Variants in SNTG1 observed in about 807,000 individuals in gnomAD.
The protein encoded by SNTG1 is syntrophin gamma 1, also known as gamma-1-syntrophin.
In SNTG1, 39 loss-of-function variants were observed where a neutral mutation model predicts 74.7. The ratio of observed to expected loss-of-function variants is 0.52; its 90% confidence interval spans 0.40 to 0.68. SNTG1 has a LOEUF of 0.68. Ranked by LOEUF, SNTG1 falls within the 30% of genes least tolerant of loss-of-function variation. The pLI, the probability that SNTG1 is intolerant of heterozygous loss-of-function variation, is 0.00. For missense variants in SNTG1, 685 were observed against 609.5 expected (o/e 1.12, Z -1.30); for synonymous variants, 254 against 217.1 (o/e 1.17, Z -1.49).
chr8:50,610,699 T>G (rs183372529), intron 13 of SNTG1, among the ~76,000 whole-genome samples: 2 of 152,190 alleles, frequency 1.3e-5, no homozygotes, highest in Non-Finnish European at 2.9e-5. Context: ...GTCATGTTCA[T>G]GTGAACAAAG....
intron 2 of SNTG1, among the ~76,000 whole-genome samples, chr8:50,375,155 A>G (rs965239367): frequency 6.6e-6 from 1 of 152,206 alleles, no homozygotes; most frequent in Non-Finnish European, 1.5e-5. Context: ...TTTAAACAAC[A>G]TCATTTCTGA....
At chr8:50,161,945 C>A (rs534127566) in intron 1 of SNTG1, among the ~76,000 whole-genome samples, 1 of 152,112 alleles carries the variant, frequency 6.6e-6, no homozygotes, top group Admixed American at 6.5e-5. Flanking sequence ...TCCTTCACAA[C>A]CTGGCCGAAA....
At position 50,663,215 on chromosome 8, in the gene SNTG1, G is replaced by C. The variant is rs564963812; in HGVS notation, c.1038+4552G>C. 4.6e-5 allele frequency among the ~76,000 whole-genome samples: 7 copies of C among 152,260 alleles called. No individual in the cohort carries two copies. In the South Asian group the frequency reaches 1.5e-3, roughly 32 times the overall value. Reference sequence around the variant, plus strand: ...CAAGGCAAACAAGTTTGTTACAGCTGTAGTCATCTTGGGTATGAGGTTGGT... The same window carrying C: ...CAAGGCAAACAAGTTTGTTACAGCTCTAGTCATCTTGGGTATGAGGTTGGT... On this transcript the variant is annotated intron_variant, in intron 15 of 18. Transcript: ENST00000642720.
In SNTG1 at chr8:50,638,467, G is replaced by C. The variant is rs565191667; in HGVS notation, c.850-18442G>C. ...AATTGATTTTCCTGGATTGCTTTCT[G>C]CTATGGTTGAGTGAAAAATCAAGAA... On this transcript the variant is annotated intron_variant, in intron 13 of 18. Transcript: ENST00000642720. Among the ~76,000 whole-genome samples the C allele has an allele frequency of 1.7e-4, 26 of 152,162 alleles. No homozygotes were observed. The South Asian group carries it at 5.0e-3, about 29-fold the overall frequency.
intron 2 of SNTG1, among the ~76,000 whole-genome samples, chr8:50,298,006 CATT>C (rs2089469679): frequency 7.2e-6 from 1 of 139,692 alleles, no homozygotes; most frequent in Non-Finnish European, 1.5e-5. Context: ...GACAGAAACA[CATT>C]ATGTCACAAT....
chr8:50,633,683 C>T (rs1009971716), intron 13 of SNTG1, among the ~76,000 whole-genome samples: 1 of 152,176 alleles, frequency 6.6e-6, no homozygotes, highest in South Asian at 2.1e-4. Context: ...GATACATAAC[C>T]ATCCAAACGA....
chr8:50,445,737 C>G (rs1441389160), intron 5 of SNTG1, among the ~76,000 whole-genome samples: 2 of 152,318 alleles, frequency 1.3e-5, no homozygotes, highest in South Asian at 2.1e-4. Flanking sequence ...CAAGCATTCT[C>G]TAAACCACAG....
intron 2 of SNTG1, among the ~76,000 whole-genome samples, chr8:50,243,347 TA>T (rs1042097265): frequency 6.6e-6 from 1 of 152,206 alleles, no homozygotes; most frequent in African/African-American, 2.4e-5. Context: ...AATTTATAGA[TA>T]TTTTTGAATA....
At chr8:50,230,774 A>G (rs1180430945) in intron 2 of SNTG1, among the ~76,000 whole-genome samples, 5 of 151,318 alleles carry the variant, frequency 3.3e-5, no homozygotes, top group Non-Finnish European at 7.4e-5. Context: ...CTCAAACATA[A>G]GACTGGACAC....
chr8:49,947,097 T>G (rs1257663816), intron 1 of SNTG1, among the ~76,000 whole-genome samples: 1 of 152,004 alleles, frequency 6.6e-6, no homozygotes, highest in Non-Finnish European at 1.5e-5. Context: ...GCCAAGAGTT[T>G]GAGACCAGCC....
intron 9 of SNTG1, among the ~76,000 whole-genome samples, chr8:50,514,748 G>T (rs78431949): frequency 6.6e-6 from 1 of 152,134 alleles, no homozygotes; most frequent in African/African-American, 2.4e-5. Context: ...CCAAATTAGT[G>T]CTTAGTGTCA....
chr8:50,060,854 A>T (rs917801142), intron 1 of SNTG1, among the ~76,000 whole-genome samples: 2 of 151,984 alleles, frequency 1.3e-5, no homozygotes, highest in Non-Finnish European at 1.5e-5. Flanking sequence ...GATATGGTAT[A>T]TTACATTGAT....
chr8:50,293,921 T>C (rs947168413), intron 2 of SNTG1, among the ~76,000 whole-genome samples: 63 of 152,294 alleles, frequency 4.1e-4, no homozygotes, highest in African/African-American at 1.5e-3. Flanking sequence ...TTTGACATCA[T>C]ATAACTTTTG....
chr8:50,127,855 T>C (rs2081195662), intron 1 of SNTG1, among the ~76,000 whole-genome samples: 2 of 152,300 alleles, frequency 1.3e-5, no homozygotes, highest in South Asian at 4.1e-4. Context: ...GCAAGTCCAA[T>C]TGTTTTGTTT....
intron 11 of SNTG1, among the ~76,000 whole-genome samples, chr8:50,543,815 G>T (rs1263355548): frequency 6.6e-6 from 1 of 152,066 alleles, no homozygotes; most frequent in Non-Finnish European, 1.5e-5. Context: ...CAACAATGTA[G>T]GAATGACTGT....
intron 1 of SNTG1, among the ~76,000 whole-genome samples, chr8:50,138,578 T>A (rs1038855096): frequency 6.6e-6 from 1 of 151,166 alleles, no homozygotes; most frequent in African/African-American, 2.4e-5. Context: ...TGAGCTGAGA[T>A]GGTTCCATTG....
intron 1 of SNTG1, among the ~76,000 whole-genome samples, chr8:50,167,445 A>T (rs1442856822): frequency 6.6e-6 from 1 of 151,792 alleles, no homozygotes; most frequent in East Asian, 1.9e-4. Context: ...TTCATATCAC[A>T]TTCCTTCAAA....
intron 1 of SNTG1, among the ~76,000 whole-genome samples, chr8:50,140,732 T>G (rs1233606554): frequency 6.6e-6 from 1 of 152,162 alleles, no homozygotes; most frequent in Non-Finnish European, 1.5e-5. Context: ...CTTAAAGCAT[T>G]AAGTTCATAT....
chr8:50,218,122 A>G (rs2084884688), intron 2 of SNTG1, among the ~76,000 whole-genome samples: 1 of 152,190 alleles, frequency 6.6e-6, no homozygotes, highest in Non-Finnish European at 1.5e-5. Context: ...ATAATAGTTA[A>G]AATTTTCACT....
Sources: gnomAD v4.1 joint callset for allele counts (sites outside exome capture counted in the v4.1 genomes callset) on GRCh38, gnomAD v4.1.1 for gene constraint, MANE v1.5 for transcripts, NCBI Gene and HGNC (gene_info 2026-07-23, HGNC 2026-07-21) for gene names.